The following KAZN variants were observed in gnomAD, a reference collection of about 807,000 sequenced individuals.
KAZN encodes the protein kazrin.
In KAZN, 40 loss-of-function variants were observed where a neutral mutation model predicts 87.4. The observed-to-expected ratio is 0.46, with a 90% CI of 0.36 to 0.60. The LOEUF (loss-of-function observed/expected upper bound fraction) is 0.60, where lower values mean the gene tolerates loss of function less well. KAZN is among the 20% of genes least tolerant of loss of function. KAZN has a pLI of 0.00. For synonymous variants in KAZN, 466 were observed against 458.3 expected, an observed-to-expected ratio of 1.02 and a Z score of -0.22; for missense variants, 898 against 1,073.9, an observed-to-expected ratio of 0.84 and a Z score of 2.29.
rs1167340659 is a variant in KAZN at position 15,034,793 on chromosome 1, C to G, written c.463C>G (p.Leu155Val). The change falls in exon 3 of 15, where the codon CTG becomes GTG. Residue 155 changes from leucine to valine, a missense_variant. Physicochemically the swap from Leu to Val is conservative, Grantham distance 32. Coordinates refer to ENST00000376030, the MANE Select transcript of KAZN (RefSeq NM_201628.3). Reference sequence around the variant, plus strand: ...GCGCTTAAAGGGCGAGAAGACAGACCTGGTGAGCCAGATGCAGCAGCTGTA... The same window carrying G: ...GCGCTTAAAGGGCGAGAAGACAGACGTGGTGAGCCAGATGCAGCAGCTGTA... ...RKRLKGEKTD[L>V]VSQMQQLYAT... 1.2e-6 allele frequency: 2 copies of G among 1,614,042 alleles called. No homozygotes were observed. The highest frequency in any genetic ancestry group is 1.3e-5 in the African/African-American group (1 of 74,904).
intron 2 of KAZN, among the ~76,000 whole-genome samples, chr1:14,318,813 T>A (rs1655834759): frequency 6.6e-6 from 1 of 151,924 alleles, no homozygotes; most frequent in African/African-American, 2.4e-5. Flanking sequence ...ATGGATTTAG[T>A]CCCATCCAGT....
At chr1:13,964,770 C>T (rs1476440467) in intron 1 of KAZN, among the ~76,000 whole-genome samples, 1 of 152,168 alleles carries the variant, frequency 6.6e-6, no homozygotes, top group Non-Finnish European at 1.5e-5. Flanking sequence ...AAGTTTACAT[C>T]ACAAAAGGTG....
chr1:15,046,555 G>A (rs1037752789), intron 4 of KAZN, among the ~76,000 whole-genome samples: 3 of 152,170 alleles, frequency 2.0e-5, no homozygotes, highest in African/African-American at 7.2e-5. Flanking sequence ...GCTCTTGTGA[G>A]GATTTCCAAG....
intron 1 of KAZN, among the ~76,000 whole-genome samples, chr1:14,157,542 G>T (rs1017751524): frequency 1.3e-5 from 2 of 152,168 alleles, no homozygotes; most frequent in African/African-American, 4.8e-5. Flanking sequence ...CTTTAAATAT[G>T]TCTTGCCACT....
intron 1 of KAZN, among the ~76,000 whole-genome samples, chr1:13,921,780 C>T (rs964366256): frequency 3.3e-5 from 5 of 152,050 alleles, no homozygotes; most frequent in South Asian, 4.2e-4. Context: ...TGTGGTCACC[C>T]GCCACCACAC....
At chr1:14,955,251 T>TGGACACAGTGCTCAGTGTGCC (rs1662947521) in intron 1 of KAZN, among the ~76,000 whole-genome samples, 1 of 152,270 alleles carries the variant, frequency 6.6e-6, no homozygotes, top group African/African-American at 2.4e-5. Context: ...AGGTGAGTTG[T>TGGACACAGTGCTCAGTGTGCC]GGACACAGTG....
At chr1:14,422,113 A>G (rs1212641451) in intron 2 of KAZN, among the ~76,000 whole-genome samples, 1 of 152,220 alleles carries the variant, frequency 6.6e-6, no homozygotes, top group African/African-American at 2.4e-5. Flanking sequence ...CTGGTCAGCC[A>G]ATGTGAACCA....
At chr1:14,636,846 T>A (rs1680028196) in intron 1 of KAZN, among the ~76,000 whole-genome samples, 1 of 152,096 alleles carries the variant, frequency 6.6e-6, no homozygotes, top group African/African-American at 2.4e-5. Context: ...AGGGGAGAAA[T>A]AAGACCAAAG....
At chr1:14,189,293 T>C (rs1208105710) in intron 2 of KAZN, among the ~76,000 whole-genome samples, 1 of 152,148 alleles carries the variant, frequency 6.6e-6, no homozygotes, top group Non-Finnish European at 1.5e-5. Flanking sequence ...TGTTCTTGTA[T>C]TGGATTACTG....
intron 2 of KAZN, among the ~76,000 whole-genome samples, chr1:14,387,968 T>C (rs768548364): frequency 1.4e-4 from 22 of 152,220 alleles, no homozygotes; most frequent in Non-Finnish European, 2.8e-4. Context: ...TCAGCGAGAC[T>C]CCGTGGGCGT....
intron 1 of KAZN, among the ~76,000 whole-genome samples, chr1:14,176,421 T>C (rs1646076191): frequency 6.6e-6 from 1 of 152,128 alleles, no homozygotes; most frequent in South Asian, 2.1e-4. Flanking sequence ...TCCACCCCAA[T>C]ATCAGCTGCC....
chr1:15,067,573 G>A (rs1557775956), intron 8 of KAZN: 7 of 985,462 alleles, frequency 7.1e-6, no homozygotes, highest in African/African-American at 1.7e-5. Context: ...TTCTGCTAAC[G>A]GTGACATTTT....
intron 8 of KAZN, among the ~76,000 whole-genome samples, chr1:15,071,482 T>C (rs1275147287): frequency 6.6e-6 from 1 of 152,182 alleles, no homozygotes; most frequent in African/African-American, 2.4e-5. Context: ...TTTGAACGCC[T>C]GACCTCAGGT....
At chr1:13,981,089 T>TCTCTATATATATATATATATA (rs1553181094) in intron 1 of KAZN, among the ~76,000 whole-genome samples, 1 of 63,134 alleles carries the variant, frequency 1.6e-5, no homozygotes, top group Non-Finnish European at 3.4e-5. Context: ...AAATTACTCT[T>TCTCTATATATATATATATATA]TATATATATA....
At chr1:14,870,788 A>G (rs1380071506) in intron 1 of KAZN, among the ~76,000 whole-genome samples, 1 of 152,186 alleles carries the variant, frequency 6.6e-6, no homozygotes, top group Non-Finnish European at 1.5e-5. Context: ...GTTGTGTGGC[A>G]CTATGTGTCA....
intron 1 of KAZN, among the ~76,000 whole-genome samples, chr1:14,674,039 T>A (rs888136071): frequency 2.6e-5 from 4 of 152,274 alleles, no homozygotes; most frequent in Non-Finnish European, 5.9e-5. Flanking sequence ...GTAGATCTAA[T>A]CCAAACTCCT....
chr1:13,981,334 T>G (rs901398586), intron 1 of KAZN, among the ~76,000 whole-genome samples: 1 of 149,138 alleles, frequency 6.7e-6, no homozygotes, highest in South Asian at 2.1e-4. Context: ...TAAACATGAT[T>G]TAAATATACA....
intron 8 of KAZN, among the ~76,000 whole-genome samples, chr1:15,089,042 T>C (rs1466036829): frequency 6.6e-6 from 1 of 152,002 alleles, no homozygotes. Context: ...CCTTTTCTGT[T>C]TGTCCACGTA....
chr1:14,768,906 A>C (rs934953777), intron 1 of KAZN, among the ~76,000 whole-genome samples: 3 of 152,238 alleles, frequency 2.0e-5, no homozygotes, highest in African/African-American at 4.8e-5. Context: ...CCAATTTTTC[A>C]ATCATCAGAA....
Sources: allele counts gnomAD v4.1 joint callset (sites outside exome capture counted in the v4.1 genomes callset), GRCh38; gene constraint gnomAD v4.1.1; transcripts MANE v1.5; gene names NCBI Gene and HGNC (gene_info 2026-07-23, HGNC 2026-07-21).